Variants in NREP observed in about 807,000 individuals in gnomAD.
NREP encodes neuronal regeneration-related protein.
A neutral mutation model predicts 8.6 loss-of-function variants in NREP; 5 were observed. That is an observed-to-expected ratio of 0.58 (90% CI 0.30 to 1.22). The LOEUF (loss-of-function observed/expected upper bound fraction) is 1.22. Ranked by LOEUF, NREP falls within the 50% of genes most tolerant of loss-of-function variation. The pLI is 0.07. For synonymous variants in NREP, 27 were observed against 28.0 expected (o/e 0.96, Z 0.11); for missense variants, 86 against 82.5 (o/e 1.04, Z -0.17).
chr5:111,853,512 G>A (rs550472250), intron 2 of NREP, among the ~76,000 whole-genome samples: 1 of 152,126 alleles, frequency 6.6e-6, no homozygotes, highest in South Asian at 2.1e-4. Flanking sequence ...AACCCTCTAT[G>A]CTTTTCATTT....
intron 2 of NREP, among the ~76,000 whole-genome samples, chr5:111,962,945 A>G (rs61667812): frequency 0.06 from 9,182 of 152,256 alleles, 445 homozygotes; most frequent in East Asian, 0.12. Context: ...CCATCCTTCA[A>G]GTGTCCATGC....
At chr5:111,865,500 C>A (rs1479372763) in intron 2 of NREP, among the ~76,000 whole-genome samples, 5 of 152,140 alleles carry the variant, frequency 3.3e-5, no homozygotes, top group African/African-American at 1.2e-4. Context: ...GAGAGCTTGA[C>A]CATATTCTAC....
chr5:111,955,901 A>C (rs886102044), intron 2 of NREP, among the ~76,000 whole-genome samples: 15 of 109,888 alleles, frequency 1.4e-4, no homozygotes, highest in African/African-American at 2.8e-4. Flanking sequence ...TCCTGTAGTG[A>C]AAAAAAAAAA....
intron 2 of NREP, among the ~76,000 whole-genome samples, chr5:111,769,392 C>G (rs1751163891): frequency 6.6e-6 from 1 of 152,164 alleles, no homozygotes; most frequent in South Asian, 2.1e-4. Flanking sequence ...AGGGCATTTT[C>G]AGATAAAGAA....
intron 2 of NREP, among the ~76,000 whole-genome samples, chr5:111,772,326 T>G (rs959352238): frequency 1.3e-5 from 2 of 152,218 alleles, no homozygotes; most frequent in Admixed American, 6.5e-5. Flanking sequence ...TTGTTTGTTT[T>G]AAACTCTTCA....
chr5:111,796,710 C>T (rs1751880815), intron 2 of NREP, among the ~76,000 whole-genome samples: 1 of 152,164 alleles, frequency 6.6e-6, no homozygotes, highest in South Asian at 2.1e-4. Context: ...ACTCATTTGA[C>T]TTAGTCAATC....
chr5:111,731,085 T>A, intron 3 of NREP, 39 bp from the exon 4 acceptor site: 1 of 1,598,600 alleles, frequency 6.3e-7, no homozygotes, highest in Non-Finnish European at 8.5e-7. Flanking sequence ...CAGACACACA[T>A]AAAAGACAAA....
At chr5:111,757,868 G>C (rs1750835188), upstream of NREP, 6 of 978,298 alleles carry the variant, frequency 6.1e-6, no homozygotes, top group Non-Finnish European at 7.3e-6. Context: ...GCGTGAAGGC[G>C]GCCAGGGTGC....
intron 2 of NREP, among the ~76,000 whole-genome samples, chr5:111,968,842 T>G (rs1478872891): frequency 6.6e-6 from 1 of 152,206 alleles, no homozygotes; most frequent in African/African-American, 2.4e-5. Flanking sequence ...GTCCCCCTGT[T>G]GTCTACAAAA....
chr5:111,747,527 G>A (rs1447263763), intron 2 of NREP, among the ~76,000 whole-genome samples: 1 of 152,178 alleles, frequency 6.6e-6, no homozygotes, highest in African/African-American at 2.4e-5. Flanking sequence ...GGAGAGAAGA[G>A]CTGGAGCTGG....
intron 2 of NREP, among the ~76,000 whole-genome samples, chr5:111,753,910 CT>C (rs1043689150): frequency 6.6e-6 from 1 of 151,828 alleles, no homozygotes; most frequent in African/African-American, 2.4e-5. Flanking sequence ...AAAGTGAAAC[CT>C]TTTTTTACAT....
At chr5:111,929,558 T>C (rs1007759614) in intron 2 of NREP, among the ~76,000 whole-genome samples, 2 of 152,204 alleles carry the variant, frequency 1.3e-5, no homozygotes, top group African/African-American at 4.8e-5. Flanking sequence ...TCCACTATTA[T>C]TGTCAAGTTG....
intron 2 of NREP, among the ~76,000 whole-genome samples, chr5:111,872,112 T>A (rs990876914): frequency 2.6e-5 from 4 of 151,812 alleles, no homozygotes; most frequent in African/African-American, 9.7e-5. Context: ...TATTATAAAT[T>A]TGCTCAGGTG....
At chr5:111,770,432 T>C (rs2112872192) in intron 2 of NREP, among the ~76,000 whole-genome samples, 1 of 152,288 alleles carries the variant, frequency 6.6e-6, no homozygotes, top group South Asian at 2.1e-4. Context: ...AAAATTAGTT[T>C]TCCTAATCCT....
rs1242945103 is a variant in NREP, at chr5:111,757,128, A to T, written c.-59+8T>A. The stretch of plus-strand genomic sequence containing the variant: ...TCCCAGCCGGGGATAGGAATGGCAT[A>T]TACTTACAGACAAAAGCCCCGCTCC... On this transcript the variant is annotated splice_region_variant and intron_variant, in intron 1 of 3. Transcript: ENST00000257435. The T allele has an allele frequency of 1.1e-6, 1 of 886,622 alleles. No homozygotes were observed. Among genetic ancestry groups the T allele is most frequent in the African/African-American group, 1.8e-5 (1 of 54,940 alleles). 54.9% of individuals were successfully genotyped at this position (886,622 alleles called of 1,614,324 possible).
At chr5:111,957,615 A>C (rs2112646624) in intron 2 of NREP, among the ~76,000 whole-genome samples, 1 of 152,052 alleles carries the variant, frequency 6.6e-6, no homozygotes, top group South Asian at 2.1e-4. Flanking sequence ...AAAAGGATTT[A>C]TAATCCATTT....
chr5:111,949,859 T>C (rs2112632113), intron 2 of NREP, among the ~76,000 whole-genome samples: 1 of 152,262 alleles, frequency 6.6e-6, no homozygotes, highest in East Asian at 1.9e-4. Flanking sequence ...TTCCCAGTCT[T>C]TGCTATTCTA....
Position 111,735,588 on chromosome 5 carries a change from C to G in NREP, c.4-81G>C, listed in dbSNP as rs1749029743. The G allele has an allele frequency of 1.3e-5, 12 of 920,450 alleles. No homozygotes were observed. In the East Asian group the frequency reaches 2.9e-4, roughly 23 times the overall value. The allele number at this position is 920,450 out of a possible 1,614,324, so 57.0% of individuals were successfully genotyped here. A position where few individuals can be genotyped will look rare whatever the true frequency, so the allele number is the denominator to read the frequency against. The stretch of plus-strand genomic sequence containing the variant: ...CTACACGGGATAACCTTAATGAGCT[C>G]AATTCTCCTCAATGGTTACTTATTC... On this transcript the variant is annotated intron_variant, in intron 2 of 3. Transcript: ENST00000257435.
At chr5:111,745,646 C>T (rs367578942) in intron 2 of NREP, among the ~76,000 whole-genome samples, 10 of 151,988 alleles carry the variant, frequency 6.6e-5, no homozygotes, top group African/African-American at 1.4e-4. Context: ...CTTTGCTTTT[C>T]GAAATGTTAA....
Sources: allele counts gnomAD v4.1 joint callset (sites outside exome capture counted in the v4.1 genomes callset), GRCh38; gene constraint gnomAD v4.1.1; transcripts MANE v1.5; gene names NCBI Gene and HGNC (gene_info 2026-07-23, HGNC 2026-07-21).